The following ESR1 variants were observed in gnomAD, a reference collection of about 807,000 sequenced individuals.
The protein encoded by ESR1 is estrogen receptor.
A neutral mutation model predicts 52.7 loss-of-function variants in ESR1; 12 were observed. The ratio of observed to expected loss-of-function variants is 0.23; its 90% CI spans 0.15 to 0.37. ESR1 has a LOEUF of 0.37. Among genes scored for constraint, ESR1 ranks in the 10% least tolerant of loss-of-function variants. The pLI, the probability that ESR1 is intolerant of heterozygous loss-of-function variation, is 1.00. For synonymous variants in ESR1, 305 were observed against 316.8 expected (o/e 0.96, Z 0.39); for missense variants, 584 against 779.7 (o/e 0.75, Z 2.99).
At chr6:151,973,142 T>G (rs1288930743) in intron 4 of ESR1, among the ~76,000 whole-genome samples, 2 of 152,182 alleles carry the variant, frequency 1.3e-5, no homozygotes, top group Non-Finnish European at 1.5e-5. Flanking sequence ...TTTGCATCCT[T>G]CAATCCAATC....
chr6:151,788,243 G>A (rs1238988366), intron 2 of ESR1, among the ~76,000 whole-genome samples: 1 of 152,008 alleles, frequency 6.6e-6, no homozygotes, highest in East Asian at 1.9e-4. Context: ...GCATCTATAA[G>A]GAACTTAAAT....
At chr6:151,770,023 A>G (rs977839459) in intron 2 of ESR1, among the ~76,000 whole-genome samples, 2 of 148,258 alleles carry the variant, frequency 1.3e-5, no homozygotes, top group African/African-American at 5.1e-5. Context: ...GTGAGACTCC[A>G]TCTCAAAAAA....
intron 2 of ESR1, among the ~76,000 whole-genome samples, chr6:151,760,139 C>T (rs1024785536): frequency 5.3e-5 from 8 of 152,260 alleles, no homozygotes; most frequent in Admixed American, 3.9e-4. Context: ...TCCCCTACCA[C>T]GTCCATATAT....
chr6:151,865,889 C>G (rs1007549487), intron 2 of ESR1, among the ~76,000 whole-genome samples: 1 of 152,194 alleles, frequency 6.6e-6, no homozygotes, highest in Non-Finnish European at 1.5e-5. Context: ...GGATGGAATG[C>G]AGCTTGAGAA....
At chr6:152,086,594 C>G (rs2152478949) in intron 6 of ESR1, among the ~76,000 whole-genome samples, 2 of 150,088 alleles carry the variant, frequency 1.3e-5, no homozygotes, top group African/African-American at 4.9e-5. Flanking sequence ...GTTGATGCAC[C>G]AAGTATTTAC....
At chr6:151,790,813 T>C (rs988667728) in intron 2 of ESR1, among the ~76,000 whole-genome samples, 1 of 152,194 alleles carries the variant, frequency 6.6e-6, no homozygotes, top group African/African-American at 2.4e-5. Context: ...GCCAACCTTA[T>C]TGGCCACGAA....
intron 2 of ESR1, among the ~76,000 whole-genome samples, chr6:151,755,245 A>G (rs1383328197): frequency 1.3e-5 from 2 of 151,780 alleles, no homozygotes; most frequent in Non-Finnish European, 2.9e-5. Context: ...CAAAACCAAA[A>G]AAAAAAAGCA....
intron 5 of ESR1, among the ~76,000 whole-genome samples, chr6:152,025,888 C>A (rs1352809500): frequency 6.6e-6 from 1 of 151,846 alleles, no homozygotes; most frequent in African/African-American, 2.4e-5. Context: ...TTTCGCTGGG[C>A]CCCATAGATT....
chr6:152,058,193 A>G (rs1488051018), intron 5 of ESR1, among the ~76,000 whole-genome samples: 2 of 149,740 alleles, frequency 1.3e-5, no homozygotes, highest in Non-Finnish European at 2.9e-5. Flanking sequence ...TTTTTTCACT[A>G]GAAAGAAGAT....
chr6:152,099,890 G>C lies in ESR1; in HGVS notation c.*924G>C. On this transcript the variant is annotated 3_prime_UTR_variant, in exon 8 of 8. Transcript: ENST00000206249. The stretch of plus-strand genomic sequence containing the variant: ...CCGGCGTGTGTGTGCCTTACACAGG[G>C]GTGAACTGTTCACTGTGGTGATGCA... 1 of 397,762 alleles carries C rather than the reference G, an allele frequency of 2.5e-6. No individual in the cohort carries two copies. The highest frequency in any genetic ancestry group is 3.6e-5 in the East Asian group (1 of 28,052). The allele number at this position is 397,762 out of a possible 1,614,324, so 24.6% of individuals were successfully genotyped here.
rs9341032 is a variant in ESR1 at position 152,087,157 on chromosome 6, C to T, written c.1370-7228C>T. Among the ~76,000 whole-genome samples the T allele has an allele frequency of 4.7e-4, 71 of 151,672 alleles. 1 individual carries two copies. Among genetic ancestry groups the T allele is most frequent in the East Asian group, 4.5e-3 (23 of 5,144 alleles). ...GTTGCTATGAAGTATGTTAGTGTTCCGAATGAATGGATAGCATGATGGGGG... is the reference window on the plus strand; with the variant it reads ...GTTGCTATGAAGTATGTTAGTGTTCTGAATGAATGGATAGCATGATGGGGG... On this transcript the variant is annotated intron_variant, in intron 6 of 7. Transcript: ENST00000206249.
intron 2 of ESR1, among the ~76,000 whole-genome samples, chr6:151,849,188 CATTT>C (rs1490369808): frequency 1.3e-5 from 2 of 152,100 alleles, no homozygotes; most frequent in African/African-American, 4.8e-5. Flanking sequence ...CCTATTTATT[CATTT>C]GTTTGATTAT....
At chr6:151,920,797 A>G (rs2031496456) in intron 3 of ESR1, among the ~76,000 whole-genome samples, 2 of 152,182 alleles carry the variant, frequency 1.3e-5, no homozygotes, top group South Asian at 4.1e-4. Flanking sequence ...AATATGACTT[A>G]TCACTGTTGA....
At position 152,098,844 on chromosome 6, in the gene ESR1, G is replaced by A; in HGVS notation, c.1666G>A (p.Gly556Arg). 1 of 1,614,198 alleles carries A rather than the reference G, an allele frequency of 6.2e-7. No homozygotes were observed. Among genetic ancestry groups the A allele is most frequent in the East Asian group, 2.2e-5 (1 of 44,872 alleles). ...AHRLHAPTSR[G>R]GASVEETDQS... ...CCGCCTACATGCGCCCACTAGCCGTGGAGGGGCATCCGTGGAGGAGACGGA... is the reference window on the plus strand; with the variant it reads ...CCGCCTACATGCGCCCACTAGCCGTAGAGGGGCATCCGTGGAGGAGACGGA... Residue 556 changes from glycine (G) to arginine (R), a missense_variant, in exon 8 of 8, where the codon GGA becomes AGA. Physicochemically the swap from Gly to Arg is moderately radical, Grantham distance 125 (BLOSUM62 -2). Transcript: ENST00000206249. The surrounding 1 kb of genome is among the most constrained non-coding windows in gnomAD (Gnocchi z 5.1).
chr6:151,670,594 AT>A lies in ESR1; in HGVS notation n.73+13840del, dbSNP rs75926112. Among the ~76,000 whole-genome samples the A allele has an allele frequency of 3.5e-3, 418 of 118,054 alleles. 3 individuals carry two copies. The highest frequency in any genetic ancestry group is 0.012 in the African/African-American group (393 of 32,210). The allele number at this position is 118,054 out of a possible 152,430, so 77.4% of individuals were successfully genotyped here. On this transcript the variant is annotated intron_variant and non_coding_transcript_variant, in intron 1 of 2. Transcript: ENST00000473497. ...AGGTGAAGAAGGCACTTAAAAAAAA[AT>A]TTTTTTTTGAGACAGTCTTGCTCTG...
rs2042776851 is a variant in ESR1 at position 152,011,644 on chromosome 6, G to C, written c.1097-12G>C. On this transcript the variant is annotated splice_polypyrimidine_tract_variant and intron_variant, in intron 4 of 7. Transcript: ENST00000206249. Reference sequence around the variant, plus strand: ...CATTTGAGTCAGCAGGGTTTTTCTTGCTTGTTTTCAGGCTTTGTGGATTTG... The same window carrying C: ...CATTTGAGTCAGCAGGGTTTTTCTTCCTTGTTTTCAGGCTTTGTGGATTTG... 3.7e-6 allele frequency: 6 copies of C among 1,613,002 alleles called. No individual in the cohort carries two copies. The highest frequency in any genetic ancestry group is 5.1e-6 in the Non-Finnish European group (6 of 1,179,370).
intron 2 of ESR1, among the ~76,000 whole-genome samples, chr6:151,791,049 G>A (rs372947180): frequency 6.6e-5 from 10 of 152,276 alleles, no homozygotes; most frequent in African/African-American, 2.2e-4. Flanking sequence ...ATTGCATCTG[G>A]TCATGAATAG....
intron 5 of ESR1, among the ~76,000 whole-genome samples, chr6:152,060,351 C>G (rs1045950519): frequency 2.6e-5 from 4 of 152,156 alleles, no homozygotes; most frequent in African/African-American, 7.2e-5. Context: ...TGCTGCTCCT[C>G]CTCCCATGTT....
chr6:152,049,793 G>A (rs2046529801), intron 5 of ESR1, among the ~76,000 whole-genome samples: 2 of 152,180 alleles, frequency 1.3e-5, no homozygotes. Context: ...GGGGTTGGAA[G>A]TGGAAATGGA....
Sources: gnomAD v4.1 joint callset for allele counts (sites outside exome capture counted in the v4.1 genomes callset) on GRCh38, gnomAD v4.1.1 for gene constraint, Gnocchi (gnomAD v3.1) non-coding constraint, MANE v1.5 for transcripts, NCBI Gene and HGNC (gene_info 2026-07-23, HGNC 2026-07-21) for gene names.